PIGL: variants seen among roughly 807,000 people sequenced by gnomAD.
PIGL encodes the protein N-acetylglucosaminyl-phosphatidylinositol de-N-acetylase.
Under a neutral mutation model 31.1 loss-of-function variants are expected in PIGL, and 22 were observed. The observed-to-expected ratio is 0.71, with a 90% CI of 0.51 to 1.01. The LOEUF (loss-of-function observed/expected upper bound fraction) is 1.01. Ranked by LOEUF, PIGL falls within the 50% of genes least tolerant of loss-of-function variation. The pLI, the probability that PIGL is intolerant of heterozygous loss-of-function variation, is 0.00. For missense variants in PIGL, 302 were observed against 315.9 expected (o/e 0.96, Z 0.33); for synonymous variants, 131 against 117.4 (o/e 1.12, Z -0.75).
At chr17:16,243,526 T>C (rs567934905) in intron 2 of PIGL, among the ~76,000 whole-genome samples, 165 of 152,310 alleles carry the variant, frequency 1.1e-3, no homozygotes, top group Middle Eastern at 0.01. Context: ...CGGGAGAATT[T>C]CTTCTGTTTA....
intron 1 of PIGL, among the ~76,000 whole-genome samples, chr17:16,222,712 TA>T (rs879455312): frequency 0.011 from 1,587 of 138,738 alleles, 14 homozygotes; most frequent in African/African-American, 0.027. Context: ...AAGCTGCTAT[TA>T]AAAAAAAAAA....
chr17:16,252,071 T>TTTTTTC (rs1249264866), intron 2 of PIGL, among the ~76,000 whole-genome samples: 1 of 149,036 alleles, frequency 6.7e-6, no homozygotes, highest in East Asian at 2.0e-4. Flanking sequence ...TTTTCCTTTT[T>TTTTTTC]TTTTTTTTCT....
intron 2 of PIGL, among the ~76,000 whole-genome samples, chr17:16,279,096 C>T (rs779446307): frequency 7.2e-5 from 11 of 152,200 alleles, no homozygotes; most frequent in Non-Finnish European, 1.5e-4. Flanking sequence ...ATTGGTGCTG[C>T]AGTCTATTTC....
At chr17:16,298,817 C>G (rs187516519) in intron 2 of PIGL, among the ~76,000 whole-genome samples, 1 of 150,408 alleles carries the variant, frequency 6.6e-6, no homozygotes, top group African/African-American at 2.5e-5. Context: ...CACCTGAGGT[C>G]AGGAGTTCAA....
chr17:16,260,390 C>T (rs986806636), intron 2 of PIGL, among the ~76,000 whole-genome samples: 3 of 152,194 alleles, frequency 2.0e-5, no homozygotes, highest in African/African-American at 7.2e-5. Context: ...ATTCAGCACT[C>T]ATTTCCTCCC....
intron 2 of PIGL, among the ~76,000 whole-genome samples, chr17:16,267,677 A>G (rs912937903): frequency 6.6e-6 from 1 of 151,358 alleles, no homozygotes; most frequent in East Asian, 1.9e-4. Flanking sequence ...CCTGGGTAAC[A>G]CAGTGAGACT....
rs566362124 is a variant in PIGL, at chr17:16,270,025, G to A, written c.336-29863G>A. ...TTCTAGGCCAGGCATGGTGGGTCAC[G>A]CCTGTAATCTCAGCACTTTGGGAGG... On this transcript the variant is annotated intron_variant, in intron 2 of 6. Coordinates refer to ENST00000225609, the MANE Select transcript of PIGL (RefSeq NM_004278.4). Among the ~76,000 whole-genome samples the A allele has an allele frequency of 2.6e-5, 4 of 152,146 alleles. 1 individual carries two copies. The highest frequency in any genetic ancestry group is 2.1e-4 in the South Asian group (1 of 4,822).
chr17:16,299,963 G>A lies in PIGL; in HGVS notation c.411G>A (p.Val137=). Residue 137 remains valine, a synonymous_variant, in exon 3 of 7, where the codon GTG becomes GTA. Coordinates refer to ENST00000225609, the MANE Select transcript of PIGL (RefSeq NM_004278.4). The part of the protein sequence containing the change: ...VARVLLQHIE[V]NGINLVVTFD... ...GAGTCCTCCTTCAGCACATAGAAGT[G>A]AATGGCATCAATCTGGTAAGGGGGC... is the stretch of plus-strand genomic sequence containing the variant. 6.2e-7 allele frequency: 1 copy of A among 1,613,510 alleles called. No homozygotes were observed. The highest frequency in any genetic ancestry group is 2.2e-5 in the East Asian group (1 of 44,884).
At position 16,240,636 on chromosome 17, in the gene PIGL, G is replaced by T. The variant is rs149149375; in HGVS notation, c.335+6566G>T. On this transcript the variant is annotated intron_variant, in intron 2 of 6. Coordinates refer to ENST00000225609, the MANE Select transcript of PIGL (RefSeq NM_004278.4). ...CCACCTCAGCCTCCCGAGTAACTGG[G>T]ACCACAGGCATGCACCACCTTGCCA... Among the ~76,000 whole-genome samples, 711 of 151,854 alleles carry T rather than the reference G, an allele frequency of 4.7e-3. 5 individuals carry two copies. Among genetic ancestry groups the T allele is most frequent in the Admixed American group, 9.8e-3 (149 of 15,262 alleles).
At chr17:16,315,351 G>A (rs2093070790) in intron 4 of PIGL, among the ~76,000 whole-genome samples, 1 of 152,172 alleles carries the variant, frequency 6.6e-6, no homozygotes. Flanking sequence ...AACCTTCTGT[G>A]GCATCTGGCC....
chr17:16,246,670 G>GTTTTTTTTTTTTTTT (rs1284256034), intron 2 of PIGL, among the ~76,000 whole-genome samples: 8 of 106,522 alleles, frequency 7.5e-5, no homozygotes, highest in African/African-American at 7.0e-5. Flanking sequence ...CCAGATCAAG[G>GTTTTTTTTTTTTTTT]TCTTTTTTTT....
intron 1 of PIGL, chr17:16,218,144 G>A (rs1225581765): frequency 6.6e-6 from 1 of 152,178 alleles, no homozygotes; most frequent in Non-Finnish European, 1.5e-5. Flanking sequence ...TAATTGAATT[G>A]TACACATACA....
chr17:16,253,226 C>T (rs1040925904), intron 2 of PIGL, among the ~76,000 whole-genome samples: 1 of 152,050 alleles, frequency 6.6e-6, no homozygotes, highest in African/African-American at 2.4e-5. Flanking sequence ...TGCACTCCAG[C>T]CTGGACAACA....
At chr17:16,257,322 CAGG>C (rs2142740506) in intron 2 of PIGL, among the ~76,000 whole-genome samples, 1 of 152,178 alleles carries the variant, frequency 6.6e-6, no homozygotes, top group South Asian at 2.1e-4. Flanking sequence ...GAGGCTGAGG[CAGG>C]AGAATCGCTT....
intron 2 of PIGL, among the ~76,000 whole-genome samples, chr17:16,254,566 C>T (rs2092785909): frequency 6.6e-6 from 1 of 151,810 alleles, no homozygotes; most frequent in South Asian, 2.1e-4. Flanking sequence ...CCGCACCTGG[C>T]ATATACATGA....
chr17:16,292,179 C>T (rs1237623271), intron 2 of PIGL, among the ~76,000 whole-genome samples: 2 of 151,324 alleles, frequency 1.3e-5, no homozygotes, highest in African/African-American at 4.9e-5. Context: ...GGATTACAGG[C>T]ACGCACCACC....
chr17:16,217,630 C>CA, intron 1 of PIGL, 169 bp downstream of exon 1: 65 of 540,446 alleles, frequency 1.2e-4, no homozygotes, highest in South Asian at 4.4e-4. Flanking sequence ...GGCCGGCTTA[C>CA]CTGGTGGGTT....
intron 2 of PIGL, among the ~76,000 whole-genome samples, chr17:16,260,124 G>C (rs1355001560): frequency 6.6e-6 from 1 of 152,198 alleles, no homozygotes; most frequent in Admixed American, 6.5e-5. Flanking sequence ...GGCCGAGGGG[G>C]TGCTGAGGGC....
At chr17:16,290,633 C>T (rs1266812775) in intron 2 of PIGL, among the ~76,000 whole-genome samples, 4 of 152,120 alleles carry the variant, frequency 2.6e-5, no homozygotes, top group African/African-American at 9.7e-5. Flanking sequence ...ATTCTCCCTC[C>T]TTGGCCTCCC....
Sources: allele counts gnomAD v4.1 joint callset (sites outside exome capture counted in the v4.1 genomes callset), GRCh38; gene constraint gnomAD v4.1.1; transcripts MANE v1.5; gene names NCBI Gene and HGNC (gene_info 2026-07-23, HGNC 2026-07-21).